CFAP144: variants seen among roughly 807,000 people sequenced by gnomAD.
CFAP144 encodes the protein cilia and flagella associated protein 144.
At chr1:43,152,832 G>T in the CFAP144 span, 2 of 1,608,764 alleles carry the variant, frequency 1.2e-6, no homozygotes, top group Middle Eastern at 3.3e-4. Context: ...TCCCAGCCAG[G>T]TTTCTGAATC....
At chr1:43,156,283 G>C in the CFAP144 span, 3 of 1,614,018 alleles carry the variant, frequency 1.9e-6, no homozygotes, top group African/African-American at 4.0e-5. Flanking sequence ...AGGCTAAAAC[G>C]TGGGGCTTAG....
At chr1:43,144,458 G>C in the CFAP144 span, among the ~76,000 whole-genome samples, 1 of 152,114 alleles carries the variant, frequency 6.6e-6, no homozygotes, top group African/African-American at 2.4e-5. Context: ...CCATTTGAAA[G>C]AATGACAAGC....
the CFAP144 span, among the ~76,000 whole-genome samples, chr1:43,154,247 A>C: frequency 6.9e-6 from 1 of 145,214 alleles, no homozygotes; most frequent in Non-Finnish European, 1.5e-5. Context: ...AATTATATAA[A>C]ATATTAAATA....
the CFAP144 span, among the ~76,000 whole-genome samples, chr1:43,153,976 TCAACACCTA>T: frequency 6.7e-6 from 1 of 149,024 alleles, no homozygotes; most frequent in Non-Finnish European, 1.5e-5. Flanking sequence ...AGGAAAACCT[TCAACACCTA>T]CATTACCAAG....
At chr1:43,154,418 A>C in the CFAP144 span, among the ~76,000 whole-genome samples, 1 of 97,004 alleles carries the variant, frequency 1.0e-5, no homozygotes, top group African/African-American at 9.9e-5. Context: ...ATATACGCAC[A>C]TATACACACA....
chr1:43,145,180 T>G, the CFAP144 span: 1 of 1,281,446 alleles, frequency 7.8e-7, no homozygotes, highest in Non-Finnish European at 1.1e-6. Flanking sequence ...GTTCTCTACG[T>G]TTGAGACTGG....
the CFAP144 span, among the ~76,000 whole-genome samples, chr1:43,156,019 C>T: frequency 6.6e-6 from 1 of 152,186 alleles, no homozygotes; most frequent in Non-Finnish European, 1.5e-5. Context: ...GGGAGAACCA[C>T]GACTGTGCGT....
At chr1:43,143,698 C>A in the CFAP144 span, among the ~76,000 whole-genome samples, 3 of 152,284 alleles carry the variant, frequency 2.0e-5, no homozygotes, top group South Asian at 2.1e-4. Context: ...CTCAGCCCTA[C>A]GTTTATGGTT....
the CFAP144 span, among the ~76,000 whole-genome samples, chr1:43,144,829 A>G: frequency 6.6e-6 from 1 of 151,840 alleles, no homozygotes; most frequent in Admixed American, 6.6e-5. Flanking sequence ...CCCACTCCCA[A>G]TCGAGCCACC....
chr1:43,156,395 A>C, the CFAP144 span: 11 of 1,132,226 alleles, frequency 9.7e-6, no homozygotes, highest in South Asian at 1.3e-4. Flanking sequence ...CTTTAAAACG[A>C]AGTTTCACTT....
the CFAP144 span, chr1:43,148,095 C>T: frequency 2.6e-6 from 4 of 1,563,256 alleles, no homozygotes; most frequent in Non-Finnish European, 3.5e-6. Context: ...GTGAGAGGCA[C>T]GGCGGGGTGG....
At chr1:43,146,870 G>A in the CFAP144 span, among the ~76,000 whole-genome samples, 4 of 152,122 alleles carry the variant, frequency 2.6e-5, no homozygotes, top group African/African-American at 9.7e-5. Flanking sequence ...TTTTTAGAAG[G>A]AGTCTCGCTC....
the CFAP144 span, among the ~76,000 whole-genome samples, chr1:43,151,548 A>G: frequency 6.6e-6 from 1 of 152,206 alleles, no homozygotes; most frequent in Non-Finnish European, 1.5e-5. Context: ...AGATTGTGGA[A>G]GGACATTCCG....
At chr1:43,153,440 T>C in the CFAP144 span, among the ~76,000 whole-genome samples, 1 of 152,042 alleles carries the variant, frequency 6.6e-6, no homozygotes, top group Non-Finnish European at 1.5e-5. Flanking sequence ...TGAAATCCCA[T>C]CTGTACTAAA....
chr1:43,150,638 T>C, the CFAP144 span: 2 of 794,458 alleles, frequency 2.5e-6, no homozygotes, highest in Non-Finnish European at 4.2e-6. Context: ...CCCAGGATAA[T>C]ACCTGGCATG....
chr1:43,152,947 T>C, the CFAP144 span: 9 of 1,604,950 alleles, frequency 5.6e-6, no homozygotes, highest in African/African-American at 1.3e-5. Flanking sequence ...CGTGGCTCCT[T>C]CCTCAGGAAA....
the CFAP144 span, chr1:43,152,878 T>A: frequency 6.2e-7 from 1 of 1,613,470 alleles, no homozygotes; most frequent in Non-Finnish European, 8.5e-7. Context: ...AAGGAAGAAG[T>A]ACCCAGAGAC....
At chr1:43,150,195 G>A in the CFAP144 span, among the ~76,000 whole-genome samples, 1,349 of 152,332 alleles carry the variant, frequency 8.9e-3, 9 homozygotes, top group Non-Finnish European at 0.015. Flanking sequence ...ACCACAAATA[G>A]AGTAAAAGCT....
the CFAP144 span, among the ~76,000 whole-genome samples, chr1:43,143,425 G>C: frequency 6.6e-6 from 1 of 152,166 alleles, no homozygotes; most frequent in Non-Finnish European, 1.5e-5. Flanking sequence ...GGAGGAAAAG[G>C]GTGTTGGGTC....
Sources: gnomAD v4.1 joint callset for allele counts (sites outside exome capture counted in the v4.1 genomes callset) on GRCh38, gnomAD v4.1.1 for gene constraint, MANE v1.5 for transcripts, NCBI Gene and HGNC (gene_info 2026-07-23, HGNC 2026-07-21) for gene names.